Variants in TOX2 observed in about 807,000 individuals in gnomAD.
TOX2 encodes granulosa cell HMG box 1.
Under a neutral mutation model 47.4 loss-of-function variants are expected in TOX2, and 15 were observed. The observed-to-expected ratio is 0.32, with a 90% confidence interval of 0.21 to 0.49. TOX2 has a LOEUF of 0.49. Among genes scored for constraint, TOX2 ranks in the 20% least tolerant of loss-of-function variants. The pLI is 0.99. For missense variants in TOX2, 622 were observed against 673.1 expected (o/e 0.92, Z 0.84); for synonymous variants, 290 against 296.6 (o/e 0.98, Z 0.23).
Position 44,006,787 on chromosome 20 carries a change from C to T in TOX2, c.406C>T (p.Pro136Ser). 1 of 1,612,882 alleles carries T rather than the reference C, an allele frequency of 6.2e-7. No homozygotes were observed. Among genetic ancestry groups the T allele is most frequent in the South Asian group, 1.1e-5 (1 of 91,026 alleles). The change falls in exon 3 of 9, where the codon CCC (proline) becomes TCC (serine). Residue 136 changes from proline (P) to serine (S), a missense_variant. Physicochemically the swap from Pro to Ser is moderately conservative, Grantham distance 74. This residue lies in a region of TOX2 where 307 missense variants were observed against 327.3 expected (regional missense o/e 0.94). Transcript: ENST00000341197. The part of the protein sequence containing the change: ...QDSHLLSGQL[P>S]TIQEMVHSEV... Reference sequence around the variant, plus strand: ...CAGCCACCTGCTGTCGGGCCAGCTGCCCACGGTGAGTCCCTATCGCCTGCT... The same window carrying T: ...CAGCCACCTGCTGTCGGGCCAGCTGTCCACGGTGAGTCCCTATCGCCTGCT...
intron 1 of TOX2, among the ~76,000 whole-genome samples, chr20:43,934,838 G>A (rs1296552171): frequency 1.3e-5 from 2 of 150,532 alleles, no homozygotes; most frequent in Non-Finnish European, 3.0e-5. Context: ...GTGGGGGTGT[G>A]TGTTGGGGTG....
intron 1 of TOX2, among the ~76,000 whole-genome samples, chr20:43,953,899 A>G (rs1227116366): frequency 6.6e-6 from 1 of 152,134 alleles, no homozygotes; most frequent in East Asian, 1.9e-4. Context: ...AGTCAACTCT[A>G]TGCCAGACAC....
intron 3 of TOX2, chr20:44,038,919 C>A: frequency 8.5e-7 from 1 of 1,180,384 alleles, no homozygotes; most frequent in Non-Finnish European, 1.1e-6. Context: ...ATCCTAATTA[C>A]ATTCACAGCC....
At chr20:43,952,230 G>A (rs546744298) in intron 1 of TOX2, among the ~76,000 whole-genome samples, 2 of 152,030 alleles carry the variant, frequency 1.3e-5, no homozygotes, top group Non-Finnish European at 2.9e-5. Flanking sequence ...TAAGAGACGG[G>A]GCCTTGCTAT....
intron 2 of TOX2, among the ~76,000 whole-genome samples, chr20:43,990,263 A>G (rs1040187437): frequency 2.0e-5 from 3 of 152,206 alleles, no homozygotes; most frequent in African/African-American, 7.2e-5. Flanking sequence ...CAATGTGACT[A>G]TGGGGGCTGA....
chr20:43,993,895 G>A (rs908141259), intron 2 of TOX2, among the ~76,000 whole-genome samples: 18 of 152,206 alleles, frequency 1.2e-4, no homozygotes, highest in Non-Finnish European at 1.8e-4. Context: ...GCTCACGCGT[G>A]TAATCCCAGC....
chr20:43,984,876 G>T (rs62206200), intron 2 of TOX2, among the ~76,000 whole-genome samples: 1,802 of 152,226 alleles, frequency 0.012, 18 homozygotes, highest in South Asian at 0.028. Context: ...TGATTTCAAG[G>T]ATTTTCTTAA....
intron 1 of TOX2, among the ~76,000 whole-genome samples, chr20:43,928,987 A>AAAACAACAAC (rs1555829647): frequency 6.7e-6 from 1 of 150,094 alleles, no homozygotes; most frequent in African/African-American, 2.5e-5. Flanking sequence ...ATATGAAAAA[A>AAAACAACAAC]AAAAAAAAAA....
Position 44,065,918 on chromosome 20 carries a change from C to CCCG in TOX2, c.1176_1178dup (p.Pro394dup), listed in dbSNP as rs34604629. The CCCG allele has an allele frequency of 0.1, 163,120 of 1,610,850 alleles. 9,358 individuals are homozygous for CCCG. The highest frequency in any genetic ancestry group is 0.12 in the Non-Finnish European group (141,416 of 1,178,170). ...CTCTGCTGCCAGGCCTCAGTGCGTCCCCGCCGCCGCCACCCTCCTTCCCGC... is the reference window on the plus strand; with the variant it reads ...CTCTGCTGCCAGGCCTCAGTGCGTCCCCGCCGCCGCCGCCACCCTCCTTCCCGC... On this transcript the variant is annotated inframe_insertion, in exon 7 of 9. Coordinates refer to ENST00000341197, the MANE Select transcript of TOX2 (RefSeq NM_001098797.2).
rs375651175 is a variant in TOX2, at chr20:44,064,832, C to T, written c.935C>T (p.Ala312Val). 5.0e-6 allele frequency: 8 copies of T among 1,614,168 alleles called. No individual in the cohort carries two copies. Among genetic ancestry groups the T allele is most frequent in the Non-Finnish European group, 6.8e-6 (8 of 1,180,038 alleles). ...AAGGAATATCTGAAGGCCCTGGCAG[C>T]CTACCGGGCTAGCCTCGTCTCCAAG... ...AKKEYLKALA[A>V]YRASLVSKSS... is the part of the protein sequence containing the mutation. The change falls in exon 6 of 9, where the codon GCC (alanine) becomes GTC (valine). Residue 312 changes from alanine to valine, a missense_variant. This residue lies in a region of TOX2 where 294 missense variants were observed against 300.0 expected (regional missense o/e 0.98). Coordinates refer to ENST00000341197, the MANE Select transcript of TOX2 (RefSeq NM_001098797.2).
intron 1 of TOX2, among the ~76,000 whole-genome samples, chr20:43,961,282 G>T (rs1382461485): frequency 1.3e-5 from 2 of 152,214 alleles, no homozygotes; most frequent in Non-Finnish European, 2.9e-5. Context: ...GATGAGGTGT[G>T]GGGGAGAGTG....
At chr20:43,948,619 C>T (rs1423463462) in intron 1 of TOX2, among the ~76,000 whole-genome samples, 2 of 152,072 alleles carry the variant, frequency 1.3e-5, no homozygotes, top group African/African-American at 4.8e-5. Context: ...CACTGGGAGG[C>T]CCCGGGCCTG....
chr20:44,068,219 T>C (rs1600810228), intron 8 of TOX2, among the ~76,000 whole-genome samples: 1 of 151,976 alleles, frequency 6.6e-6, no homozygotes, highest in Admixed American at 6.5e-5. Context: ...TCACACAATG[T>C]CCAAGCCTCC....
intron 2 of TOX2, among the ~76,000 whole-genome samples, chr20:43,979,281 G>A (rs1414654144): frequency 2.0e-5 from 3 of 152,208 alleles, no homozygotes; most frequent in African/African-American, 4.8e-5. Flanking sequence ...TTTATGGAGA[G>A]AGGGAAGAAC....
chr20:43,948,195 G>A (rs968731583), intron 1 of TOX2, among the ~76,000 whole-genome samples: 4 of 152,200 alleles, frequency 2.6e-5, no homozygotes, highest in African/African-American at 9.7e-5. Flanking sequence ...TGGCACACAG[G>A]GGCCCAAACA....
intron 1 of TOX2, among the ~76,000 whole-genome samples, chr20:43,927,634 T>TCCTCC (rs2069190199): frequency 3.1e-5 from 4 of 129,980 alleles, no homozygotes; most frequent in African/African-American, 1.3e-4. Context: ...CCTCCTTCCT[T>TCCTCC]CCTTCCTCCC....
chr20:43,946,059 GC>G (rs2069465722), intron 1 of TOX2: 1 of 1,612,328 alleles, frequency 6.2e-7, no homozygotes, highest in African/African-American at 1.3e-5. Flanking sequence ...GGTGCCCACC[GC>G]CCCATGAGGT....
chr20:44,032,339 T>C (rs762450633), intron 3 of TOX2, among the ~76,000 whole-genome samples: 1 of 152,232 alleles, frequency 6.6e-6, no homozygotes, highest in Non-Finnish European at 1.5e-5. Flanking sequence ...GTTGGCCAGC[T>C]TCTCTGGCCT....
In TOX2 at chr20:43,948,380, C is replaced by T. The variant is rs143817701; in HGVS notation, c.100-24987C>T. Among the ~76,000 whole-genome samples, 1,055 of 152,326 alleles carry T rather than the reference C, an allele frequency of 6.9e-3. 20 individuals are homozygous for T. Among genetic ancestry groups the T allele is most frequent in the East Asian group, 0.057 (298 of 5,184 alleles). On this transcript the variant is annotated intron_variant, in intron 1 of 8. Coordinates refer to ENST00000341197, the MANE Select transcript of TOX2 (RefSeq NM_001098797.2). The stretch of plus-strand genomic sequence containing the variant: ...AGAGTCCAGGCTGATGGCTTCAACC[C>T]CTGCTCTTCCACTGTGTTGGAAATC...
Sources: gnomAD v4.1 joint callset for allele counts (sites outside exome capture counted in the v4.1 genomes callset) on GRCh38, gnomAD v4.1.1 for gene constraint, gnomAD v4.1.1 regional missense constraint, MANE v1.5 for transcripts, NCBI Gene and HGNC (gene_info 2026-07-23, HGNC 2026-07-21) for gene names.